CSMD1: variants seen among roughly 807,000 people sequenced by gnomAD.
The protein encoded by CSMD1 is CUB and sushi domain-containing protein 1.
Under a neutral mutation model 417.5 loss-of-function variants are expected in CSMD1, and 213 were observed. The observed-to-expected ratio is 0.51, with a 90% CI of 0.46 to 0.57. The LOEUF (loss-of-function observed/expected upper bound fraction) is 0.57, where lower values mean the gene tolerates loss of function less well. Among genes scored for constraint, CSMD1 ranks in the 20% least tolerant of loss-of-function variants. The probability of loss-of-function intolerance (pLI) is 0.00; values close to 1 mark genes in which losing one functional copy is unlikely to be tolerated. For synonymous variants in CSMD1, 2,862 were observed against 1,736.8 expected (o/e 1.65, Z -16.11); for missense variants, 6,923 against 4,529.7 (o/e 1.53, Z -15.17).
intron 3 of CSMD1, among the ~76,000 whole-genome samples, chr8:4,326,152 T>C (rs116662006): frequency 1.4e-3 from 215 of 152,250 alleles, no homozygotes; most frequent in African/African-American, 4.8e-3. Flanking sequence ...AGTTTAGAGT[T>C]GTGCCAGAGA....
rs967118737 is a variant in CSMD1 at position 3,886,031 on chromosome 8, A to G, written c.818+111872T>C. Among the ~76,000 whole-genome samples the G allele has an allele frequency of 2.7e-5, 4 of 148,624 alleles. No individual in the cohort carries two copies. The South Asian group carries it at 8.7e-4, about 32-fold the overall frequency. On this transcript the variant is annotated intron_variant, in intron 5 of 69. Transcript: ENST00000635120. ...TATATGTGTACATATATATACATAC[A>G]TATATATATATACAGACACATTTAT... is the stretch of plus-strand genomic sequence containing the variant.
At chr8:4,094,228 G>A (rs1455638366) in intron 3 of CSMD1, among the ~76,000 whole-genome samples, 1 of 152,004 alleles carries the variant, frequency 6.6e-6, no homozygotes, top group Non-Finnish European at 1.5e-5. Flanking sequence ...AGCTGCCCTC[G>A]TAACCTGGAC....
At chr8:4,602,202 C>T (rs1421797600) in intron 2 of CSMD1, among the ~76,000 whole-genome samples, 1 of 152,144 alleles carries the variant, frequency 6.6e-6, no homozygotes, top group African/African-American at 2.4e-5. Context: ...TGAGGCATTG[C>T]CTTTCCACCC....
rs2551040 is a variant in CSMD1, at chr8:3,352,421, G to A, written c.3305-4260C>T. ...ATTTCAATAGAAGAGAAGTATCTTT[G>A]AAAGTTCAAATAAATAATCACAGGA... On this transcript the variant is annotated intron_variant, in intron 21 of 69. Coordinates refer to ENST00000635120, the MANE Select transcript of CSMD1 (RefSeq NM_033225.6). 2.0e-5 allele frequency among the ~76,000 whole-genome samples: 3 copies of A among 152,000 alleles called. No individual in the cohort carries two copies. In the South Asian group the frequency reaches 6.2e-4, roughly 31 times the overall value.
chr8:3,419,682 G>GATTACTT (rs1336243681), intron 12 of CSMD1, among the ~76,000 whole-genome samples: 1 of 152,086 alleles, frequency 6.6e-6, no homozygotes, highest in Non-Finnish European at 1.5e-5. Flanking sequence ...AAATAATTCA[G>GATTACTT]ATTACTTTCG....
chr8:3,345,540 C>A (rs986437345), intron 22 of CSMD1, among the ~76,000 whole-genome samples: 1 of 152,048 alleles, frequency 6.6e-6, no homozygotes, highest in Non-Finnish European at 1.5e-5. Flanking sequence ...TTTCTGATTC[C>A]AATTGGATGA....
intron 1 of CSMD1, among the ~76,000 whole-genome samples, chr8:4,905,177 GAA>G (rs966714988): frequency 6.6e-6 from 1 of 150,598 alleles, no homozygotes; most frequent in Admixed American, 6.6e-5. Context: ...ACACATCTCT[GAA>G]AAAAAAAGTT....
intron 1 of CSMD1, among the ~76,000 whole-genome samples, chr8:4,941,388 T>C (rs1481494856): frequency 6.6e-6 from 1 of 152,196 alleles, no homozygotes; most frequent in East Asian, 1.9e-4. Flanking sequence ...TATCTTTTGA[T>C]GGTCTAAGAT....
At chr8:3,186,037 TAA>T (rs34730717) in intron 36 of CSMD1, among the ~76,000 whole-genome samples, 4 of 143,150 alleles carry the variant, frequency 2.8e-5, no homozygotes, top group African/African-American at 2.6e-5. Context: ...TCTTACATCT[TAA>T]AAAAAAAAAA....
intron 1 of CSMD1, among the ~76,000 whole-genome samples, chr8:4,724,661 A>G (rs1809297618): frequency 1.3e-5 from 2 of 152,088 alleles, no homozygotes; most frequent in African/African-American, 4.8e-5. Flanking sequence ...CAGACATTGA[A>G]TAAACTTGCT....
chr8:3,664,235 C>T (rs1408340259), intron 7 of CSMD1, among the ~76,000 whole-genome samples: 1 of 152,116 alleles, frequency 6.6e-6, no homozygotes, highest in Non-Finnish European at 1.5e-5. Context: ...ACTCTGTGTT[C>T]AAGTGTTCTC....
rs965135389 is a variant in CSMD1 at position 4,507,277 on chromosome 8, A to G, written c.303-87212T>C. Among the ~76,000 whole-genome samples the G allele has an allele frequency of 6.6e-4, 100 of 152,176 alleles. 2 individuals are homozygous for G. Among genetic ancestry groups the G allele is most frequent in the Admixed American group, 6.5e-3 (100 of 15,286 alleles). On this transcript the variant is annotated intron_variant, in intron 2 of 69. Coordinates refer to ENST00000635120, the MANE Select transcript of CSMD1 (RefSeq NM_033225.6). Reference sequence around the variant, plus strand: ...ATATTACTTATTTTCTCTAAAAACTATTTTCATTAAATTCTAGCTCAGCAC... The same window carrying G: ...ATATTACTTATTTTCTCTAAAAACTGTTTTCATTAAATTCTAGCTCAGCAC...
chr8:3,341,819 C>G (rs180703562), intron 23 of CSMD1, among the ~76,000 whole-genome samples: 1 of 152,280 alleles, frequency 6.6e-6, no homozygotes, highest in Non-Finnish European at 1.5e-5. Context: ...TCTCAAGTAT[C>G]TGTGTTCCTC....
intron 3 of CSMD1, among the ~76,000 whole-genome samples, chr8:4,076,156 T>C (rs1799811785): frequency 6.6e-6 from 1 of 152,176 alleles, no homozygotes; most frequent in African/African-American, 2.4e-5. Flanking sequence ...ATGCGTGTGG[T>C]TGCTCCATGG....
At chr8:3,410,311 G>T (rs1403425499) in intron 12 of CSMD1, among the ~76,000 whole-genome samples, 2 of 152,130 alleles carry the variant, frequency 1.3e-5, no homozygotes, top group African/African-American at 4.8e-5. Flanking sequence ...CCTGTTCTAG[G>T]TAAGGGCTTA....
chr8:4,530,500 C>T (rs564977616), intron 2 of CSMD1, among the ~76,000 whole-genome samples: 7 of 151,114 alleles, frequency 4.6e-5, no homozygotes, highest in Non-Finnish European at 8.8e-5. Context: ...CCCTTTCCCC[C>T]GACCCCCTGA....
intron 3 of CSMD1, among the ~76,000 whole-genome samples, chr8:4,166,585 T>C (rs1012043128): frequency 1.3e-5 from 2 of 152,124 alleles, no homozygotes; most frequent in Non-Finnish European, 2.9e-5. Flanking sequence ...AATGATATAA[T>C]GGACTTTGGG....
At chr8:3,837,835 G>T (rs1012815415) in intron 5 of CSMD1, among the ~76,000 whole-genome samples, 2 of 152,086 alleles carry the variant, frequency 1.3e-5, no homozygotes, top group Non-Finnish European at 2.9e-5. Context: ...ATAGTCGCAG[G>T]AAATTCTATT....
At chr8:4,240,414 G>T (rs182039144) in intron 3 of CSMD1, among the ~76,000 whole-genome samples, 2 of 152,302 alleles carry the variant, frequency 1.3e-5, no homozygotes. Flanking sequence ...TGCCTGCTCT[G>T]ATCCCTGTAG....
Sources: allele counts gnomAD v4.1 joint callset (sites outside exome capture counted in the v4.1 genomes callset), GRCh38; gene constraint gnomAD v4.1.1; transcripts MANE v1.5; gene names NCBI Gene and HGNC (gene_info 2026-07-23, HGNC 2026-07-21).